The following SNX13 variants were observed in gnomAD, a reference collection of about 807,000 sequenced individuals.
SNX13 encodes sorting nexin 13, also known as sorting nexin-13.
In SNX13, 45 loss-of-function variants were observed where a neutral mutation model predicts 133.6. The ratio of observed to expected loss-of-function variants is 0.34; its 90% confidence interval spans 0.27 to 0.43. The LOEUF (loss-of-function observed/expected upper bound fraction) is 0.43, where lower values mean the gene tolerates loss of function less well. Among genes scored for constraint, SNX13 ranks in the 20% least tolerant of loss-of-function variants. The pLI, the probability that SNX13 is intolerant of heterozygous loss-of-function variation, is 1.00. For synonymous variants in SNX13, 414 were observed against 373.9 expected (o/e 1.11, Z -1.24); for missense variants, 1,032 against 1,145.1 (o/e 0.90, Z 1.43).
intron 16 of SNX13, among the ~76,000 whole-genome samples, chr7:17,828,102 A>G (rs903605343): frequency 2.6e-5 from 4 of 151,768 alleles, no homozygotes; most frequent in Non-Finnish European, 5.9e-5. Context: ...TTTGTGGAGA[A>G]ATGTCTTTTT....
At chr7:17,823,410 A>G (rs533508995) in intron 17 of SNX13, among the ~76,000 whole-genome samples, 18 of 152,286 alleles carry the variant, frequency 1.2e-4, no homozygotes, top group African/African-American at 4.1e-4. Flanking sequence ...TTCGTATATA[A>G]CTGGGCAGAA....
chr7:17,811,496 G>C (rs1285816312), intron 20 of SNX13, among the ~76,000 whole-genome samples: 1 of 152,210 alleles, frequency 6.6e-6, no homozygotes, highest in African/African-American at 2.4e-5. Context: ...GGAAGTAAGA[G>C]AGGACACAAA....
intron 1 of SNX13, among the ~76,000 whole-genome samples, chr7:17,923,338 T>C (rs2128038843): frequency 6.6e-6 from 1 of 152,318 alleles, no homozygotes; most frequent in South Asian, 2.1e-4. Flanking sequence ...TGTATTTATA[T>C]ACTGTCAAGG....
intron 1 of SNX13, among the ~76,000 whole-genome samples, chr7:17,905,414 A>T (rs541326434): frequency 6.6e-6 from 1 of 152,350 alleles, no homozygotes; most frequent in South Asian, 2.1e-4. Context: ...ACATAAGTGT[A>T]GTAAATACCA....
chr7:17,850,517 A>G (rs1256416590), intron 10 of SNX13, 82 bp from the exon 11 acceptor site: 2 of 800,296 alleles, frequency 2.5e-6, no homozygotes, highest in Non-Finnish European at 3.7e-6. Context: ...GTAATTTAAC[A>G]AAATAACCAA....
At chr7:17,802,459 G>C (rs1169563488) in intron 21 of SNX13, among the ~76,000 whole-genome samples, 1 of 152,110 alleles carries the variant, frequency 6.6e-6, no homozygotes, top group African/African-American at 2.4e-5. Flanking sequence ...AAAATCATTT[G>C]TCAGCACAAG....
At chr7:17,847,441 C>T (rs1309954325) in intron 11 of SNX13, among the ~76,000 whole-genome samples, 2 of 152,188 alleles carry the variant, frequency 1.3e-5, no homozygotes, top group Non-Finnish European at 2.9e-5. Flanking sequence ...AAGTGATTCT[C>T]CTGCCTCAGT....
intron 21 of SNX13, among the ~76,000 whole-genome samples, 167 bp downstream of exon 21, chr7:17,803,252 G>C (rs1784831661): frequency 6.6e-6 from 1 of 152,092 alleles, no homozygotes; most frequent in Non-Finnish European, 1.5e-5. Flanking sequence ...ACTCATTTCT[G>C]GTAAGAATTT....
chr7:17,931,035 G>A (rs1801335744), intron 1 of SNX13, among the ~76,000 whole-genome samples: 1 of 152,168 alleles, frequency 6.6e-6, no homozygotes, highest in Non-Finnish European at 1.5e-5. Context: ...AAAGGCTGGA[G>A]ACTGTCATTG....
chr7:17,805,253 G>GCA lies in SNX13; in HGVS notation c.2065-1674_2065-1673insTG, dbSNP rs1562663042. 4.2e-4 allele frequency among the ~76,000 whole-genome samples: 50 copies of GCA among 119,576 alleles called. 1 individual carries two copies. The highest frequency in any genetic ancestry group is 1.7e-3 in the African/African-American group (49 of 29,014). The allele number at this position is 119,576 out of a possible 152,430, so 78.4% of individuals were successfully genotyped here. A position where few individuals can be genotyped will look rare whatever the true frequency, so the allele number is the denominator to read the frequency against. On this transcript the variant is annotated intron_variant, in intron 20 of 25. Transcript: ENST00000428135. Reference sequence around the variant, plus strand: ...TGTGTGTGTGTGTGTGTGTGTGTGCGTGCGCGCGCGCGCATGCATGCACAT... The same window carrying GCA: ...TGTGTGTGTGTGTGTGTGTGTGTGCGCATGCGCGCGCGCGCATGCATGCACAT...
In SNX13 at chr7:17,870,137, T is replaced by G. The variant is rs183587836; in HGVS notation, c.754-1647A>C. Among the ~76,000 whole-genome samples the G allele has an allele frequency of 3.7e-4, 56 of 152,126 alleles. No homozygotes were observed. In the East Asian group the frequency reaches 0.01, roughly 28 times the overall value. On this transcript the variant is annotated intron_variant, in intron 8 of 25. Transcript: ENST00000428135. ...TCCACATAATTCCTACTTTAAGACC[T>G]CCAATTTTTAGAAGACAGCAATGTT...
intron 1 of SNX13, among the ~76,000 whole-genome samples, chr7:17,927,071 C>T (rs1199820640): frequency 6.6e-6 from 1 of 151,854 alleles, no homozygotes; most frequent in East Asian, 1.9e-4. Context: ...AAGATAAAAA[C>T]TTATGTCAAA....
rs546349446 is a variant in SNX13 at position 17,924,850 on chromosome 7, A to G, written c.12+15434T>C. On this transcript the variant is annotated intron_variant, in intron 1 of 25. Transcript: ENST00000428135. Reference sequence around the variant, plus strand: ...ATGGATGAATCTTGAAAACAAGCTAAGTGAAATAAGCCAGTCACAAAGGCC... The same window carrying G: ...ATGGATGAATCTTGAAAACAAGCTAGGTGAAATAAGCCAGTCACAAAGGCC... 4.6e-5 allele frequency among the ~76,000 whole-genome samples: 7 copies of G among 152,316 alleles called. 1 individual carries two copies. The South Asian group carries it at 1.2e-3, about 27-fold the overall frequency.
At chr7:17,931,767 A>G (rs1024022286) in intron 1 of SNX13, among the ~76,000 whole-genome samples, 1 of 152,252 alleles carries the variant, frequency 6.6e-6, no homozygotes, top group African/African-American at 2.4e-5. Flanking sequence ...TCCAGTTAAT[A>G]TACATGATCC....
Position 17,793,998 on chromosome 7 carries a change from AC to A in SNX13, c.*46del. ...GTTAAGCCCCAGAAGATCTGTCCAT[AC>A]CATTAGTCCTGGACAAAATGAACAC... On this transcript the variant is annotated 3_prime_UTR_variant, in exon 26 of 26. Coordinates refer to ENST00000428135, the MANE Select transcript of SNX13 (RefSeq NM_015132.5). 6.3e-7 allele frequency: 1 copy of A among 1,590,832 alleles called. No individual in the cohort carries two copies. The highest frequency in any genetic ancestry group is 8.6e-7 in the Non-Finnish European group (1 of 1,167,002).
chr7:17,803,706 C>T (rs1784880583), intron 20 of SNX13, 126 bp from the exon 21 acceptor site: 5 of 811,984 alleles, frequency 6.2e-6, no homozygotes, highest in South Asian at 2.4e-5. Flanking sequence ...TATATTATGT[C>T]GTTACATTTT....
intron 1 of SNX13, among the ~76,000 whole-genome samples, chr7:17,915,937 C>A (rs938816851): frequency 3.9e-5 from 6 of 152,108 alleles, no homozygotes; most frequent in African/African-American, 1.4e-4. Context: ...TTCAAAACAA[C>A]TGAAATCATA....
chr7:17,888,721 A>G (rs756459440), intron 5 of SNX13: 4 of 470,832 alleles, frequency 8.5e-6, no homozygotes, highest in South Asian at 6.2e-5. Flanking sequence ...TATCCCCAGC[A>G]TCTGGTTGGT....
intron 1 of SNX13, among the ~76,000 whole-genome samples, chr7:17,904,203 T>C (rs1798150198): frequency 6.6e-6 from 1 of 152,208 alleles, no homozygotes; most frequent in Non-Finnish European, 1.5e-5. Context: ...AATAAAATAC[T>C]TAAGAGTCAG....
Sources: allele counts gnomAD v4.1 joint callset (sites outside exome capture counted in the v4.1 genomes callset), GRCh38; gene constraint gnomAD v4.1.1; transcripts MANE v1.5; gene names NCBI Gene and HGNC (gene_info 2026-07-23, HGNC 2026-07-21).